ZNF585A: variants seen among roughly 807,000 people sequenced by gnomAD.
The protein encoded by ZNF585A is zinc finger protein 585A.
ZNF585A carries 9 observed loss-of-function variants against 14.9 expected under a neutral mutation model. The observed-to-expected ratio is 0.60, with a 90% CI of 0.36 to 1.05. ZNF585A has a LOEUF of 1.05. Among genes scored for constraint, ZNF585A ranks in the 50% least tolerant of loss-of-function variants. The probability of loss-of-function intolerance (pLI) is 0.01; values close to 1 mark genes in which losing one functional copy is unlikely to be tolerated. For missense variants in ZNF585A, 726 were observed against 926.4 expected (o/e 0.78, Z 2.81); for synonymous variants, 276 against 319.9 (o/e 0.86, Z 1.46).
intron 2 of ZNF585A, among the ~76,000 whole-genome samples, chr19:37,166,670 T>C (rs1972096162): frequency 6.9e-6 from 1 of 145,642 alleles, no homozygotes; most frequent in Admixed American, 6.6e-5. Flanking sequence ...CACATCAACT[T>C]GTCAACACAT....
At chr19:37,166,179 A>C (rs1350916543) in intron 2 of ZNF585A, among the ~76,000 whole-genome samples, 1 of 151,710 alleles carries the variant, frequency 6.6e-6, no homozygotes, top group Non-Finnish European at 1.5e-5. Context: ...GCACCCTGCC[A>C]ATTTTTGTAT....
At chr19:37,156,773 C>T (rs969347923) in intron 2 of ZNF585A, among the ~76,000 whole-genome samples, 2 of 152,060 alleles carry the variant, frequency 1.3e-5, no homozygotes, top group Admixed American at 1.3e-4. Context: ...CTCACTGCAA[C>T]CTCCGCCTCC....
At chr19:37,158,417 T>G (rs1971964318) in intron 2 of ZNF585A, among the ~76,000 whole-genome samples, 1 of 152,218 alleles carries the variant, frequency 6.6e-6, no homozygotes. Flanking sequence ...GCATAGTAAT[T>G]AATTTCATTA....
intron 2 of ZNF585A, among the ~76,000 whole-genome samples, chr19:37,167,406 C>T (rs1459402337): frequency 6.6e-6 from 1 of 152,012 alleles, no homozygotes; most frequent in African/African-American, 2.4e-5. Context: ...AACTCCTGAC[C>T]TCATGATTCG....
rs1313378751 is a variant in ZNF585A, at chr19:37,151,624, A to G, written c.2275T>C (p.Ser759Pro). ...GICGKGFVQK[S>P]VFSVHQSSHA ...CTGCTCTGATGGACGCTGAACACTG[A>G]TTTCTGAACGAAGCCTTTCCCACAG... Residue 759 changes from serine to proline, a missense_variant, in exon 5 of 5, where the codon TCA becomes CCA. Physicochemically the swap from Ser to Pro is moderately conservative, Grantham distance 74. Around this residue, in one of 2 missense-constraint regions of ZNF585A, gnomAD observed 243 missense variants for 383.6 expected, o/e 0.63. Transcript: ENST00000292841. The G allele has an allele frequency of 1.2e-6, 2 of 1,613,978 alleles. No individual in the cohort carries two copies. The highest frequency in any genetic ancestry group is 8.5e-7 in the Non-Finnish European group (1 of 1,179,918).
intron 2 of ZNF585A, among the ~76,000 whole-genome samples, chr19:37,167,114 A>G (rs953075087): frequency 2.2e-4 from 34 of 151,986 alleles, no homozygotes; most frequent in African/African-American, 7.7e-4. Flanking sequence ...GATTACAGGC[A>G]TGAGCCACTA....
At chr19:37,164,103 C>T (rs1972051202) in intron 2 of ZNF585A, among the ~76,000 whole-genome samples, 1 of 152,124 alleles carries the variant, frequency 6.6e-6, no homozygotes, top group South Asian at 2.1e-4. Context: ...AACTACATAA[C>T]ATCAAAATTT....
chr19:37,157,753 T>C (rs995001317), intron 2 of ZNF585A, among the ~76,000 whole-genome samples: 1 of 152,154 alleles, frequency 6.6e-6, no homozygotes. Flanking sequence ...AGAAAAGCAG[T>C]ATAGGAAAAA....
At chr19:37,156,028 T>C (rs1599748994) in intron 3 of ZNF585A, 71 bp from the exon 4 acceptor site, 2 of 1,601,802 alleles carry the variant, frequency 1.2e-6, no homozygotes, top group East Asian at 2.2e-5. Flanking sequence ...TAATCTCTTA[T>C]TCTTTGATGA....
chr19:37,154,158 A>C (rs1208107375), intron 4 of ZNF585A, among the ~76,000 whole-genome samples: 1 of 152,252 alleles, frequency 6.6e-6, no homozygotes, highest in African/African-American at 2.4e-5. Flanking sequence ...AGAGGAAGGC[A>C]GTAACAATGT....
In ZNF585A at chr19:37,148,563, A is replaced by G. The variant is rs1971775610; in HGVS notation, c.*3026T>C. 1 of 152,194 alleles carries G rather than the reference A, an allele frequency of 6.6e-6. No homozygotes were observed. The highest frequency in any genetic ancestry group is 1.5e-5 in the Non-Finnish European group (1 of 68,044). The allele number at this position is 152,194 out of a possible 1,614,324, so 9.4% of individuals were successfully genotyped here. A position where few individuals can be genotyped will look rare whatever the true frequency, so the allele number is the denominator to read the frequency against. ...TAGGGAAGTGAGGGGCCTGTTCTTCATCTTGATTGTGGTGTTGATTGCATG... is the reference window on the plus strand; with the variant it reads ...TAGGGAAGTGAGGGGCCTGTTCTTCGTCTTGATTGTGGTGTTGATTGCATG... On this transcript the variant is annotated 3_prime_UTR_variant, in exon 5 of 5. Transcript: ENST00000292841.
At chr19:37,157,688 T>G (rs1453719825) in intron 2 of ZNF585A, among the ~76,000 whole-genome samples, 1 of 151,830 alleles carries the variant, frequency 6.6e-6, no homozygotes, top group Non-Finnish European at 1.5e-5. Context: ...ACACCATGAG[T>G]TTAGGGAACA....
chr19:37,153,423 A>T lies in ZNF585A; in HGVS notation c.476T>A (p.Val159Glu), dbSNP rs1403793110. The part of the protein sequence containing the change: ...LKVLAGEKLY[V>E]CIECGKAFVQ... The stretch of plus-strand genomic sequence containing the variant: ...AAAAGCCTTCCCACATTCAATGCAT[A>T]CATAGAGCTTTTCTCCTGCAAGAAC... The change falls in exon 5 of 5, where the codon GTA becomes GAA. Residue 159 changes from valine (V) to glutamate (E), a missense_variant. By Grantham distance (121) the Val-to-Glu change is moderately radical (BLOSUM62 -2). Transcript: ENST00000292841. 1.2e-6 allele frequency: 2 copies of T among 1,614,078 alleles called. No homozygotes were observed. Among genetic ancestry groups the T allele is most frequent in the African/African-American group, 2.7e-5 (2 of 74,932 alleles).
intron 4 of ZNF585A, among the ~76,000 whole-genome samples, chr19:37,154,237 T>A (rs572220070): frequency 1.3e-5 from 2 of 152,144 alleles, no homozygotes; most frequent in Non-Finnish European, 2.9e-5. Context: ...GATAACACCA[T>A]GGACAGATGT....
chr19:37,154,624 G>A (rs754081204), intron 4 of ZNF585A, among the ~76,000 whole-genome samples: 10 of 151,712 alleles, frequency 6.6e-5, no homozygotes, highest in Non-Finnish European at 1.2e-4. Flanking sequence ...GATTAATTAT[G>A]TTAAAGACAG....
At position 37,169,857 on chromosome 19, in the gene ZNF585A, A is replaced by T. The variant is rs1347189962; in HGVS notation, c.54T>A (p.Asp18Glu). The T allele has an allele frequency of 6.2e-7, 1 of 1,613,116 alleles. No individual in the cohort carries two copies. Among genetic ancestry groups the T allele is most frequent in the East Asian group, 2.2e-5 (1 of 44,876 alleles). The change falls in exon 2 of 5, where the codon GAT becomes GAA. Residue 18 changes from aspartate (D) to glutamate (E), a missense_variant. By Grantham distance (45) the Asp-to-Glu change is conservative. Coordinates refer to ENST00000292841, the MANE Select transcript of ZNF585A (RefSeq NM_001288800.2). ...PQKSSALAPE[D>E]HGSSYEGSVS... Reference sequence around the variant, plus strand: ...TTCTCACCTCATAGGAGCTGCCATGATCCTCTGGAGCCAGGGCTGAGGATT... The same window carrying T: ...TTCTCACCTCATAGGAGCTGCCATGTTCCTCTGGAGCCAGGGCTGAGGATT...
chr19:37,158,925 G>T (rs1014720011), intron 2 of ZNF585A, among the ~76,000 whole-genome samples: 1 of 152,108 alleles, frequency 6.6e-6, no homozygotes, highest in African/African-American at 2.4e-5. Context: ...TCTAGCTGCT[G>T]AATGGGAGGT....
intron 1 of ZNF585A, among the ~76,000 whole-genome samples, chr19:37,171,074 T>C (rs1972173670): frequency 6.6e-6 from 1 of 152,192 alleles, no homozygotes; most frequent in African/African-American, 2.4e-5. Context: ...AATGCAGTGA[T>C]ATAACTGGCT....
At position 37,155,891 on chromosome 19, in the gene ZNF585A, C is replaced by G. The variant is rs760374286; in HGVS notation, c.266G>C (p.Gly89Ala). 2 of 1,612,366 alleles carry G rather than the reference C, an allele frequency of 1.2e-6. No homozygotes were observed. Among genetic ancestry groups the G allele is most frequent in the Non-Finnish European group, 1.7e-6 (2 of 1,180,008 alleles). Residue 89 changes from glycine to alanine, a missense_variant, in exon 4 of 5, where the codon GGT becomes GCT. Coordinates refer to ENST00000292841, the MANE Select transcript of ZNF585A (RefSeq NM_001288800.2). Reference sequence around the variant, plus strand: ...TGGGCAGCTCTGACGTGGCCTCTCACCCTGCAGTGCCCATGGTTCCTTTCC... The same window carrying G: ...TGGGCAGCTCTGACGTGGCCTCTCAGCCTGCAGTGCCCATGGTTCCTTTCC... ...EQGKEPWALQ[G>A]ERPRQSCPGE...
Sources: gnomAD v4.1 joint callset for allele counts (sites outside exome capture counted in the v4.1 genomes callset) on GRCh38, gnomAD v4.1.1 for gene constraint, gnomAD v4.1.1 regional missense constraint, MANE v1.5 for transcripts, NCBI Gene and HGNC (gene_info 2026-07-23, HGNC 2026-07-21) for gene names.